SPOCD1: variants seen among roughly 807,000 people sequenced by gnomAD.
SPOCD1 encodes the protein SPOC domain containing 1.
SPOCD1 carries 64 observed loss-of-function variants against 92.2 expected under a neutral mutation model. That is an observed-to-expected ratio of 0.69 (90% CI 0.57 to 0.86). The LOEUF (loss-of-function observed/expected upper bound fraction) is 0.86, where lower values mean the gene tolerates loss of function less well. Ranked by LOEUF, SPOCD1 falls within the 40% of genes least tolerant of loss-of-function variation. The probability of loss-of-function intolerance (pLI) is 0.00; values close to 1 mark genes in which losing one functional copy is unlikely to be tolerated. For missense variants in SPOCD1, 1,360 were observed against 1,543.1 expected, an observed-to-expected ratio of 0.88 and a Z score of 1.99; for synonymous variants, 578 against 619.3, an observed-to-expected ratio of 0.93 and a Z score of 0.99.
rs918895120 is a variant in SPOCD1, at chr1:31,809,519, G to A, written c.1383+4432C>T. Among the ~76,000 whole-genome samples, 19 of 133,428 alleles carry A rather than the reference G, an allele frequency of 1.4e-4. 1 individual carries two copies. Among genetic ancestry groups the A allele is most frequent in the East Asian group, 4.6e-4 (2 of 4,364 alleles). The allele number at this position is 133,428 out of a possible 152,430, so 87.5% of individuals were successfully genotyped here. On this transcript the variant is annotated intron_variant, in intron 2 of 15. Transcript: ENST00000360482. ...CAAAACTATCACAGCAGCACTATATGTAGTAGCCAAAAAAAAAAACACCAA... is the reference window on the plus strand; with the variant it reads ...CAAAACTATCACAGCAGCACTATATATAGTAGCCAAAAAAAAAAACACCAA...
intron 2 of SPOCD1, among the ~76,000 whole-genome samples, chr1:31,802,349 T>G (rs1482457867): frequency 6.6e-6 from 1 of 152,174 alleles, no homozygotes; most frequent in African/African-American, 2.4e-5. Flanking sequence ...AATGACACCA[T>G]GAGGTATATA....
chr1:31,814,426 G>A lies in SPOCD1; in HGVS notation c.908C>T (p.Pro303Leu), dbSNP rs573400611. 1.4e-5 allele frequency: 22 copies of A among 1,607,606 alleles called. No individual in the cohort carries two copies. In the African/African-American group the frequency reaches 2.7e-4, roughly 20 times the overall value. The change falls in exon 2 of 16, where the codon CCT becomes CTT. Residue 303 changes from proline (P) to leucine (L), a missense_variant. Pro to Leu is a moderately conservative substitution (Grantham distance 98). Around this residue, in one of 3 missense-constraint regions of SPOCD1, gnomAD observed 606 missense variants for 601.5 expected, o/e 1.01. Transcript: ENST00000360482. This position sits in a 1 kb window ranked among gnomAD's most constrained non-coding sequence, Gnocchi z 4.2. ...TCCACTGGGCACTGGGAACCCGACAGGGCCACAGGGGCTGCCTGGCTGGGG... is the reference window on the plus strand; with the variant it reads ...TCCACTGGGCACTGGGAACCCGACAAGGCCACAGGGGCTGCCTGGCTGGGG... ...DGPQPGSPCG[P>L]VGFPVPSGGE...
intron 15 of SPOCD1, 50 bp from the exon 16 acceptor site, chr1:31,791,341 C>T (rs1647580925): frequency 2.1e-6 from 3 of 1,403,840 alleles, no homozygotes. Context: ...CTGGAGCCTA[C>T]ATCCCAGGAA....
rs767380813 is a variant in SPOCD1, at chr1:31,814,326, G to A, written c.1008C>T (p.Ala336=). The change falls in exon 2 of 16, where the codon GCC becomes GCT. Residue 336 remains alanine, a synonymous_variant. Coordinates refer to ENST00000360482, the MANE Select transcript of SPOCD1 (RefSeq NM_144569.7). This position sits in a 1 kb window ranked among gnomAD's most constrained non-coding sequence, Gnocchi z 4.2. ...ACACAGCTTCTTGCTGCTCTGCAGA[G>A]GCCTGTGCTGACGCCCCCAGGCACA... The part of the protein sequence containing the change: ...AALCLGASAQ[A]SAEQQEAVCV... The A allele has an allele frequency of 6.3e-7, 1 of 1,577,830 alleles. No individual in the cohort carries two copies. Among genetic ancestry groups the A allele is most frequent in the East Asian group, 2.3e-5 (1 of 44,240 alleles).
At chr1:31,797,337 T>A (rs907632152) in intron 9 of SPOCD1, among the ~76,000 whole-genome samples, 1 of 152,202 alleles carries the variant, frequency 6.6e-6, no homozygotes, top group Non-Finnish European at 1.5e-5. Context: ...CTCGTGGGCA[T>A]GAGATCTGTG....
chr1:31,815,088 G>C lies in SPOCD1; in HGVS notation c.246C>G (p.Val82=). The C allele has an allele frequency of 6.2e-7, 1 of 1,613,686 alleles. No homozygotes were observed. The change falls in exon 2 of 16, where the codon GTC becomes GTG. Residue 82 remains valine (V), a synonymous_variant. Coordinates refer to ENST00000360482, the MANE Select transcript of SPOCD1 (RefSeq NM_144569.7). ...AAGAAEVRPG[V]LELLAVVQSR... ...TCTGTACCACAGCTAGCAGCTCCAA[G>C]ACCCCTGGCCGGACCTCAGCAGCAC...
chr1:31,798,453 G>A lies in SPOCD1; in HGVS notation c.2017C>T (p.Pro673Ser), dbSNP rs925270519. ...YRSLLFNLRDPRNLDLFLKVV... is the reference protein window; with the variant it reads ...YRSLLFNLRDSRNLDLFLKVV... ...AAAGCCCTGCTCACCAGGTTCCTGGGGTCCCGCAGGTTGAACAGCAGGCTG... is the reference window on the plus strand; with the variant it reads ...AAAGCCCTGCTCACCAGGTTCCTGGAGTCCCGCAGGTTGAACAGCAGGCTG... Residue 673 changes from proline (P) to serine (S), a missense_variant, in exon 8 of 16, where the codon CCC becomes TCC. Physicochemically the swap from Pro to Ser is moderately conservative, Grantham distance 74. Transcript: ENST00000360482. The surrounding 1 kb of genome is among the most constrained non-coding windows in gnomAD (Gnocchi z 4.1). 3 of 1,609,730 alleles carry A rather than the reference G, an allele frequency of 1.9e-6. No homozygotes were observed. The highest frequency in any genetic ancestry group is 4.5e-5 in the East Asian group (2 of 44,858).
Position 31,794,106 on chromosome 1 carries a change from TC to T in SPOCD1, c.2383+17del. 1 of 1,576,854 alleles carries T rather than the reference TC, an allele frequency of 6.3e-7. No individual in the cohort carries two copies. Among genetic ancestry groups the T allele is most frequent in the Non-Finnish European group, 8.7e-7 (1 of 1,147,444 alleles). On this transcript the variant is annotated intron_variant, in intron 11 of 15. Coordinates refer to ENST00000360482, the MANE Select transcript of SPOCD1 (RefSeq NM_144569.7). ...AGCCTGGCTGCCACCCCTGCACCCC[TC>T]CCGTGTCCCCTCCCACCCTTGCAGA...
chr1:31,790,617 G>A lies in SPOCD1; in HGVS notation c.3637C>T (p.Pro1213Ser), dbSNP rs754199903. 1.9e-6 allele frequency: 3 copies of A among 1,551,732 alleles called. No individual in the cohort carries two copies. Among genetic ancestry groups the A allele is most frequent in the Non-Finnish European group, 2.6e-6 (3 of 1,147,000 alleles). ...TDEAGSECPF[P>S]RKA ...GGTAAGGAGGGTCAGGCCTTTCTAG[G>A]GAAGGGACACTCAGAGCCAGCTTCA... Residue 1213 changes from proline to serine, a missense_variant, in exon 16 of 16, where the codon CCT (proline) becomes TCT (serine). By Grantham distance (74) the Pro-to-Ser change is moderately conservative. Around this residue, in one of 3 missense-constraint regions of SPOCD1, gnomAD observed 614 missense variants for 757.8 expected, o/e 0.81. Transcript: ENST00000360482.
chr1:31,792,492 T>C, intron 14 of SPOCD1, 91 bp from the exon 15 acceptor site: 1 of 1,362,290 alleles, frequency 7.3e-7, no homozygotes, highest in East Asian at 2.5e-5. Flanking sequence ...GAGAACCCCG[T>C]GAGAAAGTAT....
At chr1:31,803,578 G>GAA (rs34105123) in intron 2 of SPOCD1, among the ~76,000 whole-genome samples, 1 of 143,500 alleles carries the variant, frequency 7.0e-6, no homozygotes, top group Non-Finnish European at 1.5e-5. Flanking sequence ...ACAAAAACAA[G>GAA]AAAAAAAAAA....
In SPOCD1 at chr1:31,800,588, C is replaced by T. The variant is rs369969025; in HGVS notation, c.1455G>A (p.Leu485=). Residue 485 remains leucine (L), a synonymous_variant, in exon 4 of 16, where the codon CTG becomes CTA. Transcript: ENST00000360482. The stretch of plus-strand genomic sequence containing the variant: ...CTGCCTGGCCGTGGCTGATGGCCCC[C>T]AGGAGCTGGATCACTGGCCCGGAAC... The part of the protein sequence containing the change: ...YLGSGPVIQL[L]GAISHGQAGG... The T allele has an allele frequency of 6.2e-7, 1 of 1,609,834 alleles. No individual in the cohort carries two copies.
At chr1:31,794,490 T>C in intron 10 of SPOCD1, 3 of 273,280 alleles carry the variant, frequency 1.1e-5, no homozygotes, top group Non-Finnish European at 2.0e-5. Flanking sequence ...CTTTTTCTTT[T>C]TTTTTCTTTT....
At chr1:31,792,105 G>A (rs1647635137) in intron 15 of SPOCD1, 110 bp downstream of exon 15, 1 of 1,242,816 alleles carries the variant, frequency 8.0e-7, no homozygotes, top group Admixed American at 2.5e-5. Flanking sequence ...GCTGGGTGAG[G>A]AGTTCCCTTC....
intron 2 of SPOCD1, among the ~76,000 whole-genome samples, chr1:31,805,001 A>G (rs1228158643): frequency 5.7e-5 from 1 of 17,602 alleles, no homozygotes; most frequent in South Asian, 1.7e-3. Flanking sequence ...TTTTTTTTTG[A>G]GATGGAGTCT....
Position 31,790,537 on chromosome 1 carries a change from T to A in SPOCD1, c.*66A>T. The A allele has an allele frequency of 1.4e-6, 2 of 1,430,540 alleles. No individual in the cohort carries two copies. Among genetic ancestry groups the A allele is most frequent in the Non-Finnish European group, 1.9e-6 (2 of 1,051,736 alleles). The allele number at this position is 1,430,540 out of a possible 1,614,324, so 88.6% of individuals were successfully genotyped here. A position where few individuals can be genotyped will look rare whatever the true frequency, so the allele number is the denominator to read the frequency against. On this transcript the variant is annotated 3_prime_UTR_variant, in exon 16 of 16. Coordinates refer to ENST00000360482, the MANE Select transcript of SPOCD1 (RefSeq NM_144569.7). ...ACCATCCTCTCCTTGCAGTCCCACCTCTCTCTGGAACAGGCTTCAACACTA... is the reference window on the plus strand; with the variant it reads ...ACCATCCTCTCCTTGCAGTCCCACCACTCTCTGGAACAGGCTTCAACACTA...
Position 31,798,378 on chromosome 1 carries a change from T to C in SPOCD1, c.2029-55A>G. On this transcript the variant is annotated intron_variant, in intron 8 of 15. Coordinates refer to ENST00000360482, the MANE Select transcript of SPOCD1 (RefSeq NM_144569.7). The surrounding 1 kb of genome is among the most constrained non-coding windows in gnomAD (Gnocchi z 4.1). ...ACACGCTGAAAGAGCTCCCCCACCC[T>C]AGCATCCTGCAGGGGCTCTGAGATT... 6.3e-7 allele frequency: 1 copy of C among 1,594,460 alleles called. No individual in the cohort carries two copies. The highest frequency in any genetic ancestry group is 8.6e-7 in the Non-Finnish European group (1 of 1,168,616).
At chr1:31,815,517 G>A (rs761071735) in intron 1 of SPOCD1, 145 bp from the exon 2 acceptor site, 350 of 506,078 alleles carry the variant, frequency 6.9e-4, no homozygotes, top group Non-Finnish European at 1.1e-3. Context: ...CTCCAGGGAG[G>A]GGAGCACCCA....
chr1:31,808,917 C>A (rs1297586339), intron 2 of SPOCD1, among the ~76,000 whole-genome samples: 1 of 151,972 alleles, frequency 6.6e-6, no homozygotes, highest in Non-Finnish European at 1.5e-5. Flanking sequence ...CAAAACAGGC[C>A]AGGCCTGGTG....
Sources: gnomAD v4.1 joint callset for allele counts (sites outside exome capture counted in the v4.1 genomes callset) on GRCh38, gnomAD v4.1.1 for gene constraint, gnomAD v4.1.1 regional missense constraint, Gnocchi (gnomAD v3.1) non-coding constraint, MANE v1.5 for transcripts, NCBI Gene and HGNC (gene_info 2026-07-23, HGNC 2026-07-21) for gene names.